The following ATXN7 variants were observed in gnomAD, a reference collection of about 807,000 sequenced individuals.
ATXN7 encodes the protein ataxin-7.
A neutral mutation model predicts 70.5 loss-of-function variants in ATXN7; 12 were observed. The observed-to-expected ratio is 0.17, with a 90% CI of 0.11 to 0.28. The LOEUF (loss-of-function observed/expected upper bound fraction) is 0.28, where lower values mean the gene tolerates loss of function less well. ATXN7 is among the 10% of genes least tolerant of loss of function. ATXN7 has a pLI of 1.00. For synonymous variants in ATXN7, 498 were observed against 448.7 expected, an observed-to-expected ratio of 1.11 and a Z score of -1.39; for missense variants, 1,256 against 1,131.7, an observed-to-expected ratio of 1.11 and a Z score of -1.58.
Position 63,988,119 on chromosome 3 carries a change from T to A in ATXN7, c.1156T>A (p.Leu386Ile), listed in dbSNP as rs2075608790. 4 of 1,613,992 alleles carry A rather than the reference T, an allele frequency of 2.5e-6. No individual in the cohort carries two copies. Among genetic ancestry groups the A allele is most frequent in the African/African-American group, 1.3e-5 (1 of 74,902 alleles). Residue 386 changes from leucine to isoleucine, a missense_variant, in exon 9 of 13, where the codon TTA (leucine) becomes ATA (isoleucine). Coordinates refer to ENST00000674280, the MANE Select transcript of ATXN7 (RefSeq NM_001377405.1). ...QGRRKRFDVL[L>I]AEHKNKTREK... ...TAGAAGAAAACGATTTGATGTGTTA[T>A]TAGCCGAGCACAAAAACAAAACCAG... is the stretch of plus-strand genomic sequence containing the variant.
chr3:63,903,832 G>A (rs559843391), intron 2 of ATXN7: 1 of 152,196 alleles, frequency 6.6e-6, no homozygotes, highest in South Asian at 2.1e-4. Context: ...TGTGGCTGGT[G>A]GTGTCAGATT....
At chr3:63,989,359 A>T (rs956157665) in intron 9 of ATXN7, among the ~76,000 whole-genome samples, 1 of 152,220 alleles carries the variant, frequency 6.6e-6, no homozygotes, top group African/African-American at 2.4e-5. Context: ...GCCCTTGAGT[A>T]AGAGGCTGTA....
At chr3:63,879,229 A>C (rs1348170365) in intron 1 of ATXN7, among the ~76,000 whole-genome samples, 1 of 152,162 alleles carries the variant, frequency 6.6e-6, no homozygotes, top group Middle Eastern at 3.2e-3. Context: ...TTATCAGAGA[A>C]ATTAAATATT....
Position 63,995,748 on chromosome 3 carries a change from A to G in ATXN7, c.1926A>G (p.Gln642=), listed in dbSNP as rs1053339. 19,967 of 1,614,180 alleles carry G rather than the reference A, an allele frequency of 0.012. 237 individuals are homozygous for G. Among genetic ancestry groups the G allele is most frequent in the African/African-American group, 0.061 (4,546 of 75,030 alleles). The change falls in exon 12 of 13, where the codon CAA becomes CAG. Residue 642 remains glutamine (Q), a synonymous_variant. Coordinates refer to ENST00000674280, the MANE Select transcript of ATXN7 (RefSeq NM_001377405.1). ...SGAMDPVCSM[Q]SRQVSSSSSS... is the part of the protein sequence containing the mutation. ...CGATGGATCCTGTGTGCAGTATGCA[A>G]TCCAGACAAGTGTCCTCTTCATCCT...
chr3:63,949,056 T>G (rs2074911952), intron 4 of ATXN7, among the ~76,000 whole-genome samples: 3 of 152,198 alleles, frequency 2.0e-5, no homozygotes, highest in African/African-American at 7.2e-5. Flanking sequence ...ATCAAGCTTT[T>G]CACAGCATTT....
At chr3:63,884,117 A>G (rs1399050836) in intron 1 of ATXN7, among the ~76,000 whole-genome samples, 2 of 152,118 alleles carry the variant, frequency 1.3e-5, no homozygotes, top group Non-Finnish European at 2.9e-5. Context: ...ATTCTCCATT[A>G]AAAGGAGATT....
chr3:63,988,042 AT>A lies in ATXN7; in HGVS notation c.1096-10del. 1.2e-6 allele frequency: 2 copies of A among 1,607,990 alleles called. No individual in the cohort carries two copies. The highest frequency in any genetic ancestry group is 8.5e-7 in the Non-Finnish European group (1 of 1,178,562). On this transcript the variant is annotated splice_polypyrimidine_tract_variant and intron_variant, in intron 8 of 12. Transcript: ENST00000674280. ...ATTAATGAGATTCCTCAGTTTCTGT[AT>A]TTTTTTGGTCCACAGACACATTCCT...
chr3:63,929,933 C>T (rs1036057496), intron 4 of ATXN7, among the ~76,000 whole-genome samples: 2 of 152,114 alleles, frequency 1.3e-5, no homozygotes, highest in Admixed American at 6.5e-5. Context: ...GTGGTTCACA[C>T]TGTATATTGC....
Position 63,912,906 on chromosome 3 carries a change from A to G in ATXN7, c.308A>G (p.Lys103Arg). 1 of 1,611,398 alleles carries G rather than the reference A, an allele frequency of 6.2e-7. No individual in the cohort carries two copies. The highest frequency in any genetic ancestry group is 2.2e-5 in the East Asian group (1 of 44,638). Reference protein sequence around the residue: ...QSWNLWVEASKLPGKDGTELD... With the variant: ...QSWNLWVEASRLPGKDGTELD... ...TGGAATCTGTGGGTTGAGGCTTCCA[A>G]ACTTCCTGGGAAGGACGGTGAGTGT... is the stretch of plus-strand genomic sequence containing the variant. The change falls in exon 3 of 13, where the codon AAA becomes AGA. Residue 103 changes from lysine to arginine, a missense_variant. By Grantham distance (26) the Lys-to-Arg change is conservative. Transcript: ENST00000674280.
At chr3:63,921,575 C>T (rs925637060) in intron 4 of ATXN7, among the ~76,000 whole-genome samples, 3 of 152,116 alleles carry the variant, frequency 2.0e-5, no homozygotes, top group Admixed American at 2.0e-4. Context: ...TTTCCAAAAG[C>T]GTGTTCCAGG....
At chr3:63,975,741 A>G (rs1397759574) in intron 5 of ATXN7, among the ~76,000 whole-genome samples, 2 of 152,192 alleles carry the variant, frequency 1.3e-5, no homozygotes, top group Non-Finnish European at 2.9e-5. Flanking sequence ...GAAGACCTAT[A>G]GAGAGCTGTC....
chr3:63,929,344 C>A (rs1436930150), intron 4 of ATXN7, among the ~76,000 whole-genome samples: 1 of 150,226 alleles, frequency 6.7e-6, no homozygotes, highest in Middle Eastern at 3.2e-3. Context: ...GCCATCTCGG[C>A]TCACTGCAAC....
At chr3:63,988,026 A>G (rs762828259) in intron 8 of ATXN7, 33 bp from the exon 9 acceptor site, 3 of 1,606,794 alleles carry the variant, frequency 1.9e-6, no homozygotes, top group African/African-American at 2.7e-5. Context: ...TATTAATGAG[A>G]TTCCTCAGTT....
At chr3:63,877,166 A>G (rs854622) in intron 1 of ATXN7, among the ~76,000 whole-genome samples, 87,478 of 152,014 alleles carry the variant, frequency 0.58, 26,503 homozygotes, top group Non-Finnish European at 0.67. Flanking sequence ...CAAGAATTAC[A>G]TAAATTTGGG....
chr3:63,879,191 A>G (rs1216244684), intron 1 of ATXN7, among the ~76,000 whole-genome samples: 2 of 152,240 alleles, frequency 1.3e-5, no homozygotes, highest in Admixed American at 1.3e-4. Flanking sequence ...ATCTTTTAAT[A>G]TAAATAGCCC....
intron 5 of ATXN7, among the ~76,000 whole-genome samples, chr3:63,955,406 TG>T (rs1419523227): frequency 6.6e-6 from 1 of 151,934 alleles, no homozygotes; most frequent in African/African-American, 2.4e-5. Context: ...TAGAGGTGGA[TG>T]GGGGTTTGGG....
intron 4 of ATXN7, among the ~76,000 whole-genome samples, chr3:63,922,050 T>C (rs897290307): frequency 1.3e-5 from 2 of 152,164 alleles, no homozygotes; most frequent in Non-Finnish European, 2.9e-5. Context: ...TTTTATTCTT[T>C]TGAAACAGGG....
At chr3:63,866,988 CTAGT>C (rs1354641293) in intron 1 of ATXN7, 11 of 149,928 alleles carry the variant, frequency 7.3e-5, no homozygotes, top group African/African-American at 2.0e-4. Context: ...ATATGAAAGA[CTAGT>C]TAAGAAAATT....
chr3:63,892,352 G>A (rs1346748016), intron 1 of ATXN7, among the ~76,000 whole-genome samples: 1 of 146,638 alleles, frequency 6.8e-6, no homozygotes, highest in East Asian at 2.0e-4. Flanking sequence ...CCTCCTCCCA[G>A]TCAACTTTAA....
Sources: gnomAD v4.1 joint callset for allele counts (sites outside exome capture counted in the v4.1 genomes callset) on GRCh38, gnomAD v4.1.1 for gene constraint, MANE v1.5 for transcripts, NCBI Gene and HGNC (gene_info 2026-07-23, HGNC 2026-07-21) for gene names.